The following NMNAT3 variants were observed in gnomAD, a reference collection of about 807,000 sequenced individuals.
NMNAT3 encodes the protein nicotinamide/nicotinic acid mononucleotide adenylyltransferase 3.
NMNAT3 carries 21 observed loss-of-function variants against 24.8 expected under a neutral mutation model. The ratio of observed to expected loss-of-function variants is 0.85; its 90% CI spans 0.60 to 1.22. The LOEUF is 1.22. Ranked by LOEUF, NMNAT3 falls within the 50% of genes most tolerant of loss-of-function variation. The probability of loss-of-function intolerance (pLI) is 0.00; values close to 1 mark genes in which losing one functional copy is unlikely to be tolerated. For missense variants in NMNAT3, 387 were observed against 436.6 expected (o/e 0.89, Z 1.01); for synonymous variants, 136 against 155.2 (o/e 0.88, Z 0.92).
At chr3:139,591,591 A>T (rs1264499381) in intron 3 of NMNAT3, among the ~76,000 whole-genome samples, 8 of 152,216 alleles carry the variant, frequency 5.3e-5, no homozygotes, top group Non-Finnish European at 1.0e-4. Flanking sequence ...TGAAGAGAGC[A>T]GTGGTTCTCC....
intron 6 of NMNAT3, chr3:139,568,356 G>A (rs1298686959): frequency 1.3e-5 from 2 of 152,116 alleles, no homozygotes; most frequent in Non-Finnish European, 2.9e-5. Flanking sequence ...GTTCTGCTCT[G>A]ATTTTAGTTA....
intron 6 of NMNAT3, chr3:139,571,558 G>A (rs1938349092): frequency 1.3e-5 from 2 of 152,204 alleles, no homozygotes; most frequent in East Asian, 3.9e-4. Flanking sequence ...ACAAGTGAGT[G>A]GGATTTAGGG....
intron 3 of NMNAT3, among the ~76,000 whole-genome samples, chr3:139,586,034 G>A (rs1346403249): frequency 6.6e-6 from 1 of 152,180 alleles, no homozygotes; most frequent in Non-Finnish European, 1.5e-5. Flanking sequence ...AGTGGCTCTG[G>A]TGCTCCCATA....
chr3:139,645,464 G>A (rs11718568), intron 1 of NMNAT3, among the ~76,000 whole-genome samples: 13,156 of 152,136 alleles, frequency 0.086, 927 homozygotes, highest in East Asian at 0.22. Context: ...CAGCTCTGAT[G>A]TCACCAATTT....
intron 3 of NMNAT3, among the ~76,000 whole-genome samples, chr3:139,624,409 A>G (rs976303718): frequency 6.6e-6 from 1 of 151,402 alleles, no homozygotes; most frequent in South Asian, 2.1e-4. Flanking sequence ...GTGGTCAGAG[A>G]ATACACTTTG....
At chr3:139,572,378 A>G (rs138717780) in intron 6 of NMNAT3, 6 of 392,656 alleles carry the variant, frequency 1.5e-5, no homozygotes, top group Non-Finnish European at 2.2e-5. Flanking sequence ...TACAATAAAC[A>G]TTATATAAGA....
At chr3:139,592,915 C>T (rs57978217) in intron 3 of NMNAT3, among the ~76,000 whole-genome samples, 11,995 of 152,044 alleles carry the variant, frequency 0.079, 1,042 homozygotes, top group East Asian at 0.37. Flanking sequence ...CATCAACTAA[C>T]GAGCAAAATA....
At chr3:139,669,803 T>C (rs2108452192) in intron 1 of NMNAT3, among the ~76,000 whole-genome samples, 1 of 152,280 alleles carries the variant, frequency 6.6e-6, no homozygotes, top group South Asian at 2.1e-4. Flanking sequence ...TTAAATATTT[T>C]CTCCTAATGA....
chr3:139,583,815 C>T (rs1299065065), intron 3 of NMNAT3, among the ~76,000 whole-genome samples: 1 of 152,268 alleles, frequency 6.6e-6, no homozygotes, highest in Non-Finnish European at 1.5e-5. Flanking sequence ...CGAACAGCTC[C>T]ACGCGTCTCC....
Position 139,589,765 on chromosome 3 carries a change from A to G in NMNAT3, c.110-6557T>C, listed in dbSNP as rs572681818. On this transcript the variant is annotated intron_variant, in intron 3 of 6. Coordinates refer to ENST00000643695, the MANE Select transcript of NMNAT3 (RefSeq NM_001320510.2). ...ATCCCATAGCTCACAACATGAATGA[A>G]AATAGGCTATGGATCAGATTTGGCC... Among the ~76,000 whole-genome samples the G allele has an allele frequency of 3.9e-4, 59 of 152,332 alleles. 1 individual carries two copies. Among genetic ancestry groups the G allele is most frequent in the South Asian group, 1.5e-3 (7 of 4,826 alleles).
intron 3 of NMNAT3, among the ~76,000 whole-genome samples, chr3:139,626,988 A>T (rs2056081993): frequency 6.6e-6 from 1 of 152,178 alleles, no homozygotes; most frequent in South Asian, 2.1e-4. Context: ...CAGATACATT[A>T]TTTATATTCT....
chr3:139,659,057 A>G (rs958428874), intron 1 of NMNAT3, among the ~76,000 whole-genome samples: 3 of 152,212 alleles, frequency 2.0e-5, no homozygotes, highest in African/African-American at 7.2e-5. Context: ...TTTACTCAGC[A>G]CAATGTTTCT....
At chr3:139,628,033 T>G (rs1224902010) in intron 2 of NMNAT3, among the ~76,000 whole-genome samples, 1 of 152,184 alleles carries the variant, frequency 6.6e-6, no homozygotes, top group African/African-American at 2.4e-5. Context: ...GGGCCAGGAC[T>G]GGAACCAAGG....
At chr3:139,630,233 A>G (rs1417621100) in intron 2 of NMNAT3, among the ~76,000 whole-genome samples, 1 of 152,206 alleles carries the variant, frequency 6.6e-6, no homozygotes, top group Non-Finnish European at 1.5e-5. Context: ...GGCCAGAACT[A>G]GGTTACATGG....
chr3:139,616,396 C>T (rs1220960379), intron 3 of NMNAT3, among the ~76,000 whole-genome samples: 1 of 152,074 alleles, frequency 6.6e-6, no homozygotes, highest in Non-Finnish European at 1.5e-5. Context: ...AAGCCTGGGG[C>T]TCCTCAGGGC....
chr3:139,632,843 T>C (rs6778125), intron 2 of NMNAT3, among the ~76,000 whole-genome samples: 3,676 of 152,268 alleles, frequency 0.024, 138 homozygotes, highest in African/African-American at 0.082. Context: ...CCTGTGAATA[T>C]GTTATATTAC....
rs577935336 is a variant in NMNAT3, at chr3:139,593,402, C to T, written c.110-10194G>A. Among the ~76,000 whole-genome samples, 13 of 152,174 alleles carry T rather than the reference C, an allele frequency of 8.5e-5. No individual in the cohort carries two copies. In the South Asian group the frequency reaches 1.0e-3, roughly 12 times the overall value. On this transcript the variant is annotated intron_variant, in intron 3 of 6. Coordinates refer to ENST00000643695, the MANE Select transcript of NMNAT3 (RefSeq NM_001320510.2). ...CCACTGTCAACATTAGACAGATCAA[C>T]GAGACAGAAAGTTAACAAGGATACC...
chr3:139,582,251 G>T (rs2053669415), intron 4 of NMNAT3, among the ~76,000 whole-genome samples: 1 of 136,406 alleles, frequency 7.3e-6, no homozygotes, highest in Non-Finnish European at 1.6e-5. Context: ...AAACAAAAGA[G>T]AAGATCTAAC....
intron 1 of NMNAT3, among the ~76,000 whole-genome samples, chr3:139,668,418 T>G (rs983539190): frequency 1.3e-5 from 2 of 152,206 alleles, no homozygotes; most frequent in African/African-American, 4.8e-5. Context: ...ATTTGGGGCT[T>G]CCTGTTTTAT....
Sources: allele counts gnomAD v4.1 joint callset (sites outside exome capture counted in the v4.1 genomes callset), GRCh38; gene constraint gnomAD v4.1.1; transcripts MANE v1.5; gene names NCBI Gene and HGNC (gene_info 2026-07-23, HGNC 2026-07-21).